The following SS18 variants were observed in gnomAD, a reference collection of about 807,000 sequenced individuals.
SS18 encodes the protein protein SSXT.
Under a neutral mutation model 72.5 loss-of-function variants are expected in SS18, and 28 were observed. The ratio of observed to expected loss-of-function variants is 0.39; its 90% CI spans 0.29 to 0.53. The LOEUF (loss-of-function observed/expected upper bound fraction) is 0.53. SS18 is among the 20% of genes least tolerant of loss of function. The pLI is 0.76. For missense variants in SS18, 518 were observed against 535.3 expected (o/e 0.97, Z 0.32); for synonymous variants, 172 against 164.2 (o/e 1.05, Z -0.37).
At chr18:26,022,327 A>G (rs1264806063) in intron 10 of SS18, among the ~76,000 whole-genome samples, 1 of 152,228 alleles carries the variant, frequency 6.6e-6, no homozygotes, top group Non-Finnish European at 1.5e-5. Context: ...GGGAAGAAGA[A>G]TATGACAATA....
intron 10 of SS18, among the ~76,000 whole-genome samples, chr18:26,020,821 G>A (rs2053335842): frequency 6.6e-6 from 1 of 152,112 alleles, no homozygotes; most frequent in Non-Finnish European, 1.5e-5. Flanking sequence ...AAGAAGAAAA[G>A]AAAAGGGGGC....
rs772761408 is a variant in SS18 at position 26,055,766 on chromosome 18, G to GA, written c.385+1822_385+1823insT. On this transcript the variant is annotated intron_variant, in intron 4 of 10. Transcript: ENST00000415083. ...AATTCTTTCTGTTTTTTTTTTTTTT[G>GA]TTTTTTTTTTTTGATGGAGTCTCAC... 2.6e-5 allele frequency among the ~76,000 whole-genome samples: 3 copies of GA among 117,328 alleles called. No individual in the cohort carries two copies. The East Asian group carries it at 7.7e-4, about 30-fold the overall frequency. The allele number at this position is 117,328 out of a possible 152,430, so 77.0% of individuals were successfully genotyped here.
intron 10 of SS18, among the ~76,000 whole-genome samples, chr18:26,032,083 C>CAGTTTATCA (rs913131170): frequency 3.3e-5 from 5 of 152,064 alleles, no homozygotes; most frequent in African/African-American, 1.2e-4. Context: ...AACTCTCTAT[C>CAGTTTATCA]TATACTTTAC....
At chr18:26,081,238 G>A (rs1033657268) in intron 2 of SS18, 2 of 152,080 alleles carry the variant, frequency 1.3e-5, no homozygotes, top group Non-Finnish European at 2.9e-5. Context: ...CAGCTAGGCT[G>A]GAGTGCAGTG....
chr18:26,047,129 T>C (rs1280182611), intron 5 of SS18, among the ~76,000 whole-genome samples: 1 of 152,096 alleles, frequency 6.6e-6, no homozygotes. Context: ...AATAGTACCT[T>C]ACCTACTACC....
chr18:26,090,453 T>C (rs2054703202), intron 1 of SS18, 48 bp downstream of exon 1: 1 of 1,535,516 alleles, frequency 6.5e-7, no homozygotes, highest in African/African-American at 1.4e-5. Context: ...CGTCTGTCTC[T>C]CCCAGAGGCG....
rs11329781 is a variant in SS18, at chr18:26,069,507, TAAAAAAAAAA to T, written c.231+8559_231+8568del. 1.0e-3 allele frequency among the ~76,000 whole-genome samples: 89 copies of T among 86,004 alleles called. 1 individual carries two copies. Among genetic ancestry groups the T allele is most frequent in the Non-Finnish European group, 1.8e-4 (6 of 33,542 alleles). 56.4% of individuals were successfully genotyped at this position (86,004 alleles called of 152,430 possible). ...GGTCTGCCACAAAGACCTACCAAAG[TAAAAAAAAAA>T]AAAAAAAAAGAAAAAGAAAGAAATA... On this transcript the variant is annotated intron_variant, in intron 3 of 10. Transcript: ENST00000415083.
At chr18:26,027,671 T>TTAA (rs1372303761) in intron 10 of SS18, among the ~76,000 whole-genome samples, 7 of 27,292 alleles carry the variant, frequency 2.6e-4, no homozygotes, top group African/African-American at 6.5e-4. Flanking sequence ...GAGACTCATC[T>TTAA]AAAAAAAAAA....
At chr18:26,039,949 G>A (rs567688110) in intron 5 of SS18, among the ~76,000 whole-genome samples, 1 of 152,086 alleles carries the variant, frequency 6.6e-6, no homozygotes, top group African/African-American at 2.4e-5. Flanking sequence ...ATTATATAAT[G>A]GTAGACAGGA....
intron 2 of SS18, chr18:26,082,423 T>C (rs1027302348): frequency 1.0e-6 from 1 of 973,608 alleles, no homozygotes; most frequent in Non-Finnish European, 1.2e-6. Flanking sequence ...AAAGTTATCT[T>C]CCAAACTACA....
chr18:26,077,887 A>G (rs1401314332), intron 3 of SS18, among the ~76,000 whole-genome samples, 189 bp downstream of exon 3: 1 of 152,194 alleles, frequency 6.6e-6, no homozygotes, highest in Admixed American at 6.5e-5. Context: ...CAGGGACAGA[A>G]TCAATTTTAG....
At position 26,035,873 on chromosome 18, in the gene SS18, C is replaced by G; in HGVS notation, c.931G>C (p.Asp311His). ...QQPSYPEQGY[D>H]RPYEDSSQHY... is the part of the protein sequence containing the mutation. ...TGTGAGGAATCCTCATAAGGCCTAT[C>G]GTAGCCTTGTTCAGGATACGACGGT... Residue 311 changes from aspartate (D) to histidine (H), a missense_variant, in exon 8 of 11, where the codon GAT becomes CAT. By Grantham distance (81) the Asp-to-His change is moderately conservative (BLOSUM62 -1). Transcript: ENST00000415083. The surrounding 1 kb of genome is among the most constrained non-coding windows in gnomAD (Gnocchi z 4.4). The G allele has an allele frequency of 6.2e-7, 1 of 1,602,598 alleles. No homozygotes were observed. The highest frequency in any genetic ancestry group is 8.5e-7 in the Non-Finnish European group (1 of 1,173,354).
intron 2 of SS18, chr18:26,086,119 G>C (rs569287676): frequency 6.6e-6 from 1 of 152,248 alleles, no homozygotes; most frequent in African/African-American, 2.4e-5. Flanking sequence ...AGTATAACAA[G>C]TATTTACATT....
chr18:26,090,400 T>G, intron 1 of SS18, 101 bp downstream of exon 1: 1 of 1,221,780 alleles, frequency 8.2e-7, no homozygotes, highest in Non-Finnish European at 1.2e-6. Flanking sequence ...CAGGCCCGCC[T>G]CCGCCTCGGC....
intron 3 of SS18, among the ~76,000 whole-genome samples, chr18:26,064,329 G>A (rs2054175731): frequency 6.6e-6 from 1 of 151,926 alleles, no homozygotes; most frequent in South Asian, 2.1e-4. Flanking sequence ...AAGGACATAA[G>A]GAAAATGACA....
At chr18:26,043,139 T>C (rs748914700) in intron 5 of SS18, among the ~76,000 whole-genome samples, 1 of 152,128 alleles carries the variant, frequency 6.6e-6, no homozygotes, top group Non-Finnish European at 1.5e-5. Flanking sequence ...AACAACATTT[T>C]AAGGCTCACA....
chr18:26,057,756 G>C lies in SS18; in HGVS notation c.232-14C>G, dbSNP rs2054049451. ...CTGTGTGGGTGGCTGAAAGAAGACA[G>C]TTTAGTAAAACAAGAGAAACAGACT... On this transcript the variant is annotated splice_polypyrimidine_tract_variant and intron_variant, in intron 3 of 10. Transcript: ENST00000415083. 6.3e-7 allele frequency: 1 copy of C among 1,586,110 alleles called. No homozygotes were observed. Among genetic ancestry groups the C allele is most frequent in the Non-Finnish European group, 8.6e-7 (1 of 1,163,576 alleles).
At chr18:26,057,518 C>T in intron 4 of SS18, 71 bp downstream of exon 4, 1 of 1,571,534 alleles carries the variant, frequency 6.4e-7, no homozygotes, top group South Asian at 1.1e-5. Context: ...AATCTAGTAT[C>T]CCTTGAGCCC....
rs567517143 is a variant in SS18 at position 26,053,676 on chromosome 18, C to A, written c.386-831G>T. On this transcript the variant is annotated intron_variant, in intron 4 of 10. Transcript: ENST00000415083. ...ATAATGAGGGAATGACTAGTTCACA[C>A]AAAAACTACAAAAAGGTTCATCAAC... 3.3e-5 allele frequency among the ~76,000 whole-genome samples: 5 copies of A among 150,584 alleles called. No individual in the cohort carries two copies. The South Asian group carries it at 1.0e-3, about 31-fold the overall frequency.
Sources: gnomAD v4.1 joint callset for allele counts (sites outside exome capture counted in the v4.1 genomes callset) on GRCh38, gnomAD v4.1.1 for gene constraint, Gnocchi (gnomAD v3.1) non-coding constraint, MANE v1.5 for transcripts, NCBI Gene and HGNC (gene_info 2026-07-23, HGNC 2026-07-21) for gene names.